Variants in TSHZ2 observed in about 807,000 individuals in gnomAD.
TSHZ2 encodes teashirt homolog 2.
TSHZ2 carries 21 observed loss-of-function variants against 74.4 expected under a neutral mutation model. The ratio of observed to expected loss-of-function variants is 0.28; its 90% confidence interval spans 0.20 to 0.41. The LOEUF (loss-of-function observed/expected upper bound fraction) is 0.41, where lower values mean the gene tolerates loss of function less well. TSHZ2 is among the 10% of genes least tolerant of loss of function. The probability of loss-of-function intolerance (pLI) is 1.00; values close to 1 mark genes in which losing one functional copy is unlikely to be tolerated. For synonymous variants in TSHZ2, 540 were observed against 515.3 expected (o/e 1.05, Z -0.65); for missense variants, 1,244 against 1,293.5 (o/e 0.96, Z 0.59).
intron 2 of TSHZ2, among the ~76,000 whole-genome samples, chr20:53,260,378 T>C (rs1252339422): frequency 6.6e-6 from 1 of 152,212 alleles, no homozygotes; most frequent in Non-Finnish European, 1.5e-5. Flanking sequence ...TGAGCCTCAC[T>C]CATTCATTAT....
intron 2 of TSHZ2, among the ~76,000 whole-genome samples, chr20:53,423,853 T>A (rs747018077): frequency 4.5e-4 from 69 of 152,052 alleles, no homozygotes; most frequent in Non-Finnish European, 4.9e-4. Context: ...AGCAGGTGAG[T>A]TTCGGGGGAT....
intron 1 of TSHZ2, among the ~76,000 whole-genome samples, chr20:53,087,289 C>A (rs1985727794): frequency 6.6e-6 from 1 of 152,192 alleles, no homozygotes; most frequent in Non-Finnish European, 1.5e-5. Context: ...ACTCCAAAGG[C>A]CAAATCTTCA....
At chr20:53,377,227 G>A (rs538996258) in intron 2 of TSHZ2, among the ~76,000 whole-genome samples, 1 of 152,306 alleles carries the variant, frequency 6.6e-6, no homozygotes, top group East Asian at 1.9e-4. Flanking sequence ...CTGCATCAAG[G>A]AATACTGCCT....
intron 2 of TSHZ2, among the ~76,000 whole-genome samples, chr20:53,428,280 T>G (rs1983725036): frequency 6.6e-6 from 1 of 152,224 alleles, no homozygotes; most frequent in Non-Finnish European, 1.5e-5. Flanking sequence ...GATGTGTAGC[T>G]CCTTCTTTAA....
chr20:53,293,142 C>T (rs16997881), intron 2 of TSHZ2, among the ~76,000 whole-genome samples: 8,909 of 152,248 alleles, frequency 0.059, 837 homozygotes, highest in African/African-American at 0.2. Flanking sequence ...TTAAAATCTC[C>T]GTGGCATTTC....
At chr20:53,274,924 G>A (rs1990912689) in intron 2 of TSHZ2, among the ~76,000 whole-genome samples, 1 of 152,080 alleles carries the variant, frequency 6.6e-6, no homozygotes, top group Admixed American at 6.5e-5. Context: ...ACAGCCACAG[G>A]TTTTTCCCCC....
intron 2 of TSHZ2, among the ~76,000 whole-genome samples, chr20:53,478,292 GA>G: frequency 6.6e-6 from 1 of 150,598 alleles, no homozygotes; most frequent in East Asian, 2.0e-4. Context: ...ACTGGATTAA[GA>G]AAATGTGGCA....
At chr20:53,275,039 C>T (rs545004022) in intron 2 of TSHZ2, among the ~76,000 whole-genome samples, 61 of 152,200 alleles carry the variant, frequency 4.0e-4, no homozygotes, top group African/African-American at 1.4e-3. Context: ...TCTGACAGCA[C>T]GGCTTATATT....
At chr20:53,089,683 C>T (rs578211795) in intron 1 of TSHZ2, among the ~76,000 whole-genome samples, 74 of 152,218 alleles carry the variant, frequency 4.9e-4, no homozygotes, top group Admixed American at 4.7e-3. Context: ...TCATAAGATA[C>T]GTGGCTATAA....
intron 2 of TSHZ2, among the ~76,000 whole-genome samples, chr20:53,352,789 A>G (rs6097370): frequency 3.9e-4 from 54 of 140,138 alleles, no homozygotes; most frequent in African/African-American, 1.4e-3. Flanking sequence ...AAAAAAAAAA[A>G]AAAAAGAAAG....
At chr20:53,229,100 A>G (rs1264775127) in intron 1 of TSHZ2, among the ~76,000 whole-genome samples, 2 of 152,172 alleles carry the variant, frequency 1.3e-5, no homozygotes, top group African/African-American at 4.8e-5. Flanking sequence ...GTCTTCACTG[A>G]AACCTCTAGA....
intron 1 of TSHZ2, among the ~76,000 whole-genome samples, chr20:53,015,794 A>G (rs1983017047): frequency 6.6e-6 from 1 of 152,024 alleles, no homozygotes. Flanking sequence ...CTGGGACAGG[A>G]TGGGAGGGTG....
At chr20:52,992,577 A>G (rs1982032903) in intron 1 of TSHZ2, among the ~76,000 whole-genome samples, 1 of 152,196 alleles carries the variant, frequency 6.6e-6, no homozygotes. Flanking sequence ...GTCAAACTGC[A>G]GCCACAAATG....
intron 1 of TSHZ2, among the ~76,000 whole-genome samples, chr20:52,983,945 C>T (rs547089839): frequency 8.5e-4 from 129 of 152,330 alleles, no homozygotes; most frequent in African/African-American, 3.0e-3. Flanking sequence ...AGGCCCCAGG[C>T]GGCGAAGCTT....
At chr20:53,232,063 AT>A (rs999944362) in intron 1 of TSHZ2, among the ~76,000 whole-genome samples, 1 of 151,328 alleles carries the variant, frequency 6.6e-6, no homozygotes, top group East Asian at 1.9e-4. Context: ...TTATTTTTTT[AT>A]TTTTTTGTAG....
intron 1 of TSHZ2, among the ~76,000 whole-genome samples, chr20:52,998,214 GC>G (rs1443176299): frequency 6.6e-6 from 1 of 152,138 alleles, no homozygotes; most frequent in African/African-American, 2.4e-5. Context: ...TGTCACCCAG[GC>G]TGGCATGCAA....
At chr20:53,464,606 T>G (rs1032745573) in intron 2 of TSHZ2, among the ~76,000 whole-genome samples, 1 of 152,106 alleles carries the variant, frequency 6.6e-6, no homozygotes, top group African/African-American at 2.4e-5. Context: ...GAACTATAGG[T>G]GCACACCACC....
intron 1 of TSHZ2, among the ~76,000 whole-genome samples, chr20:53,230,023 AGAAG>A (rs932956462): frequency 8.0e-6 from 1 of 124,748 alleles, no homozygotes; most frequent in Admixed American, 9.0e-5. Flanking sequence ...GGGAAAAAAG[AGAAG>A]GAAGGAAGGA....
chr20:53,223,911 A>G (rs141173068), intron 1 of TSHZ2, among the ~76,000 whole-genome samples: 221 of 134,446 alleles, frequency 1.6e-3, no homozygotes, highest in African/African-American at 5.5e-3. Context: ...ACACACACAC[A>G]CACACACACA....
Sources: allele counts gnomAD v4.1 joint callset (sites outside exome capture counted in the v4.1 genomes callset), GRCh38; gene constraint gnomAD v4.1.1; transcripts MANE v1.5; gene names NCBI Gene and HGNC (gene_info 2026-07-23, HGNC 2026-07-21).